ROR2: variants seen among roughly 807,000 people sequenced by gnomAD.
ROR2 encodes tyrosine-protein kinase transmembrane receptor ROR2.
ROR2 carries 33 observed loss-of-function variants against 74.9 expected under a neutral mutation model. The observed-to-expected ratio is 0.44, with a 90% CI of 0.33 to 0.59. ROR2 has a LOEUF of 0.59. Among genes scored for constraint, ROR2 ranks in the 20% least tolerant of loss-of-function variants. The probability of loss-of-function intolerance (pLI) is 0.02; values close to 1 mark genes in which losing one functional copy is unlikely to be tolerated. For missense variants in ROR2, 1,216 were observed against 1,313.8 expected (o/e 0.93, Z 1.15); for synonymous variants, 586 against 558.7 (o/e 1.05, Z -0.69).
At chr9:91,810,369 C>T (rs748277847) in intron 1 of ROR2, among the ~76,000 whole-genome samples, 53 of 152,166 alleles carry the variant, frequency 3.5e-4, no homozygotes, top group Non-Finnish European at 6.2e-4. Flanking sequence ...AATGCCTTCC[C>T]AGAGGCGAGT....
intron 1 of ROR2, among the ~76,000 whole-genome samples, chr9:91,853,725 C>T (rs1005518887): frequency 3.3e-5 from 5 of 152,138 alleles, no homozygotes; most frequent in Non-Finnish European, 5.9e-5. Context: ...CTACAGTGCC[C>T]GGGCTGATGC....
intron 2 of ROR2, among the ~76,000 whole-genome samples, chr9:91,772,408 T>C (rs893762846): frequency 6.6e-6 from 1 of 152,170 alleles, no homozygotes; most frequent in Admixed American, 6.5e-5. Context: ...GCTCCCATCT[T>C]GAAACTGTGC....
intron 1 of ROR2, among the ~76,000 whole-genome samples, chr9:91,925,981 C>T (rs763494380): frequency 6.6e-6 from 1 of 152,152 alleles, no homozygotes; most frequent in Non-Finnish European, 1.5e-5. Flanking sequence ...CGGTTGCTCA[C>T]GCCTGTAATC....
chr9:91,798,317 CGGCTGACGCCCTGGGCTAGTGAGTG>C (rs2119039090), intron 1 of ROR2, among the ~76,000 whole-genome samples: 1 of 97,296 alleles, frequency 1.0e-5, no homozygotes, highest in African/African-American at 4.6e-5. Flanking sequence ...TCTGTGGGTG[CGGCTGACGCCCTGGGCTAGTGAGTG>C]GAGCTGACAC....
chr9:91,880,606 CCAGT>C (rs1444677251), intron 1 of ROR2, among the ~76,000 whole-genome samples: 1 of 152,236 alleles, frequency 6.6e-6, no homozygotes, highest in African/African-American at 2.4e-5. Context: ...GCCACCTCAG[CCAGT>C]CAATCTCATC....
rs376080682 is a variant in ROR2, at chr9:91,829,695, G to A, written c.98-53877C>T. Among the ~76,000 whole-genome samples, 4 of 152,018 alleles carry A rather than the reference G, an allele frequency of 2.6e-5. No individual in the cohort carries two copies. The East Asian group carries it at 5.8e-4, about 22-fold the overall frequency. On this transcript the variant is annotated intron_variant, in intron 1 of 8. Transcript: ENST00000375708. ...CAGGGAGCAATGAAATGAAGGCACA[G>A]TCATATTCTGGAACTGGACCAGCTG...
chr9:91,817,650 G>A (rs550887314), intron 1 of ROR2, among the ~76,000 whole-genome samples: 75 of 152,246 alleles, frequency 4.9e-4, no homozygotes, highest in Admixed American at 1.3e-3. Context: ...CACCCCCTTC[G>A]CCTGCCAGGC....
intron 1 of ROR2, among the ~76,000 whole-genome samples, chr9:91,949,121 C>A (rs988102469): frequency 6.6e-6 from 1 of 151,490 alleles, no homozygotes; most frequent in Admixed American, 6.6e-5. Context: ...CCCGGGGGTC[C>A]CCCCGGCGCG....
chr9:91,916,750 A>C (rs1473784858), intron 1 of ROR2, among the ~76,000 whole-genome samples: 1 of 152,088 alleles, frequency 6.6e-6, no homozygotes, highest in East Asian at 1.9e-4. Flanking sequence ...TTAAGAAAAA[A>C]ATCTTGGAAT....
chr9:91,892,052 GAAA>G (rs74312809), intron 1 of ROR2, among the ~76,000 whole-genome samples: 14 of 71,030 alleles, frequency 2.0e-4, no homozygotes, highest in East Asian at 9.2e-4. Context: ...TGTCTAAGAA[GAAA>G]AAAAAAAAAA....
rs569734609 is a variant in ROR2, at chr9:91,924,546, C to A, written c.97+25321G>T. On this transcript the variant is annotated intron_variant, in intron 1 of 8. Coordinates refer to ENST00000375708, the MANE Select transcript of ROR2 (RefSeq NM_004560.4). Reference sequence around the variant, plus strand: ...CGATGGCTTACGCCTGTAATCCCAGCACTTTGGGAGGCAGAGGCGGGCGGA... The same window carrying A: ...CGATGGCTTACGCCTGTAATCCCAGAACTTTGGGAGGCAGAGGCGGGCGGA... 1.3e-4 allele frequency among the ~76,000 whole-genome samples: 20 copies of A among 152,362 alleles called. No homozygotes were observed. The East Asian group carries it at 3.5e-3, about 26-fold the overall frequency.
chr9:91,849,730 T>C (rs1166783884), intron 1 of ROR2, among the ~76,000 whole-genome samples: 1 of 152,226 alleles, frequency 6.6e-6, no homozygotes, highest in African/African-American at 2.4e-5. Flanking sequence ...AAAGCTGAAG[T>C]CTCTTGGACA....
intron 1 of ROR2, among the ~76,000 whole-genome samples, chr9:91,829,187 G>C (rs530062632): frequency 2.9e-4 from 44 of 152,316 alleles, no homozygotes; most frequent in African/African-American, 1.0e-3. Flanking sequence ...CAGCCAGAGT[G>C]AGACATACAG....
At chr9:91,805,504 G>C (rs779993319) in intron 1 of ROR2, among the ~76,000 whole-genome samples, 6 of 152,164 alleles carry the variant, frequency 3.9e-5, no homozygotes, top group Non-Finnish European at 8.8e-5. Context: ...AGCTAGAGCA[G>C]GAAGCCTAAA....
chr9:91,728,998 T>C (rs1587660683), intron 7 of ROR2, among the ~76,000 whole-genome samples: 1 of 151,970 alleles, frequency 6.6e-6, no homozygotes, highest in Non-Finnish European at 1.5e-5. Context: ...AAACCTGCGA[T>C]ACAAGATTCT....
At chr9:91,774,094 A>G (rs528470678) in intron 2 of ROR2, among the ~76,000 whole-genome samples, 132 of 152,370 alleles carry the variant, frequency 8.7e-4, no homozygotes, top group African/African-American at 3.1e-3. Context: ...CAGGCTTTTG[A>G]GAAAGAAGTT....
At chr9:91,790,145 G>T (rs1012548337) in intron 1 of ROR2, among the ~76,000 whole-genome samples, 3 of 152,170 alleles carry the variant, frequency 2.0e-5, no homozygotes, top group African/African-American at 7.2e-5. Flanking sequence ...GTAGTGTGAT[G>T]CATTACTCAC....
chr9:91,775,868 G>T, intron 1 of ROR2, 50 bp from the exon 2 acceptor site: 2 of 1,527,278 alleles, frequency 1.3e-6, no homozygotes, highest in Non-Finnish European at 1.8e-6. Flanking sequence ...CCTTTCAGGA[G>T]CCTTTAATTT....
At chr9:91,843,893 T>C (rs550564975) in intron 1 of ROR2, among the ~76,000 whole-genome samples, 2 of 152,344 alleles carry the variant, frequency 1.3e-5, no homozygotes, top group East Asian at 1.9e-4. Context: ...AACCCCCACA[T>C]TGGTTCCAGC....
Sources: gnomAD v4.1 joint callset for allele counts (sites outside exome capture counted in the v4.1 genomes callset) on GRCh38, gnomAD v4.1.1 for gene constraint, MANE v1.5 for transcripts, NCBI Gene and HGNC (gene_info 2026-07-23, HGNC 2026-07-21) for gene names.